The following ZNF804B variants were observed in gnomAD, a reference collection of about 807,000 sequenced individuals.
The protein encoded by ZNF804B is zinc finger protein 804B, also known as zinc finger 804B.
Under a neutral mutation model 101.4 loss-of-function variants are expected in ZNF804B, and 80 were observed. The ratio of observed to expected loss-of-function variants is 0.79; its 90% CI spans 0.66 to 0.95. ZNF804B has a LOEUF of 0.95. Among genes scored for constraint, ZNF804B ranks in the 40% least tolerant of loss-of-function variants. The pLI, the probability that ZNF804B is intolerant of heterozygous loss-of-function variation, is 0.00. For synonymous variants in ZNF804B, 622 were observed against 558.8 expected (o/e 1.11, Z -1.59); for missense variants, 1,673 against 1,561.9 (o/e 1.07, Z -1.20).
chr7:89,120,938 C>T (rs774843272), intron 1 of ZNF804B, among the ~76,000 whole-genome samples: 1 of 152,102 alleles, frequency 6.6e-6, no homozygotes, highest in Non-Finnish European at 1.5e-5. Flanking sequence ...TTGCTTTATC[C>T]AACAAAAATA....
chr7:89,327,547 C>T lies in ZNF804B; in HGVS notation c.380+73C>T, dbSNP rs908282083. ...TGGGGAAATTTTAAAGGCAAATCTA[C>T]TGTAACAATGTAAACAAATAATAAC... On this transcript the variant is annotated intron_variant, in intron 3 of 3. Coordinates refer to ENST00000333190, the MANE Select transcript of ZNF804B (RefSeq NM_181646.5). 23 of 1,556,106 alleles carry T rather than the reference C, an allele frequency of 1.5e-5. No homozygotes were observed. In the Admixed American group the frequency reaches 2.0e-4, roughly 14 times the overall value.
At chr7:88,871,324 TCAGTA>T (rs1291922694) in intron 1 of ZNF804B, among the ~76,000 whole-genome samples, 1 of 151,914 alleles carries the variant, frequency 6.6e-6, no homozygotes, top group Non-Finnish European at 1.5e-5. Flanking sequence ...GCTCCTAAGT[TCAGTA>T]CAATTAAGGG....
chr7:89,224,366 T>C (rs1202822186), intron 2 of ZNF804B, among the ~76,000 whole-genome samples: 1 of 151,978 alleles, frequency 6.6e-6, no homozygotes, highest in African/African-American at 2.4e-5. Flanking sequence ...ATTCACCCCA[T>C]CTCTACTTGC....
chr7:88,762,656 A>G (rs1231463117), intron 1 of ZNF804B, among the ~76,000 whole-genome samples: 3 of 152,046 alleles, frequency 2.0e-5, no homozygotes, highest in Non-Finnish European at 4.4e-5. Flanking sequence ...AGAGATCCAT[A>G]AAATACATTC....
In ZNF804B at chr7:89,334,853, A is replaced by G. The variant is rs1434483594; in HGVS notation, c.1871A>G (p.Asp624Gly). The G allele has an allele frequency of 6.2e-6, 10 of 1,613,690 alleles. No homozygotes were observed. Among genetic ancestry groups the G allele is most frequent in the Non-Finnish European group, 8.5e-6 (10 of 1,179,882 alleles). Residue 624 changes from aspartate (D) to glycine (G), a missense_variant, in exon 4 of 4, where the codon GAC becomes GGC. By Grantham distance (94) the Asp-to-Gly change is moderately conservative. Coordinates refer to ENST00000333190, the MANE Select transcript of ZNF804B (RefSeq NM_181646.5). ...RKAVLNDIDE[D>G]LSFPSYISRF... is the part of the protein sequence containing the mutation. Reference sequence around the variant, plus strand: ...GCAGTTCTAAATGATATAGATGAGGACCTATCTTTTCCTTCCTACATCTCT... The same window carrying G: ...GCAGTTCTAAATGATATAGATGAGGGCCTATCTTTTCCTTCCTACATCTCT...
intron 1 of ZNF804B, among the ~76,000 whole-genome samples, chr7:89,114,670 T>G (rs927322103): frequency 6.6e-6 from 1 of 152,136 alleles, no homozygotes; most frequent in Non-Finnish European, 1.5e-5. Flanking sequence ...TGAAAAGGCC[T>G]GAAAAAACAG....
intron 1 of ZNF804B, among the ~76,000 whole-genome samples, chr7:89,043,783 C>A (rs1339793838): frequency 6.6e-6 from 1 of 152,292 alleles, no homozygotes; most frequent in Middle Eastern, 3.4e-3. Context: ...ACACAAGACT[C>A]TTAAGAACAG....
chr7:89,119,909 G>T (rs1790373855), intron 1 of ZNF804B, among the ~76,000 whole-genome samples: 1 of 152,084 alleles, frequency 6.6e-6, no homozygotes, highest in Admixed American at 6.6e-5. Flanking sequence ...GGATAGCAAG[G>T]TTTATTCCCA....
chr7:89,152,203 A>T (rs995293340), intron 1 of ZNF804B, among the ~76,000 whole-genome samples: 7 of 150,572 alleles, frequency 4.6e-5, no homozygotes, highest in African/African-American at 1.7e-4. Context: ...TTTTAAAAAT[A>T]TTTCATAGCA....
chr7:89,280,369 A>G (rs1277639786), intron 2 of ZNF804B, among the ~76,000 whole-genome samples: 2 of 151,936 alleles, frequency 1.3e-5, no homozygotes, highest in East Asian at 3.9e-4. Flanking sequence ...AAGAGCAAAC[A>G]CATTCAAAAG....
chr7:88,928,342 T>C (rs1450687810), intron 1 of ZNF804B, among the ~76,000 whole-genome samples: 1 of 152,154 alleles, frequency 6.6e-6, no homozygotes, highest in Non-Finnish European at 1.5e-5. Flanking sequence ...TTATTCTGAA[T>C]AAATGACACT....
rs554215761 is a variant in ZNF804B at position 89,272,346 on chromosome 7, C to A, written c.249+54051C>A. On this transcript the variant is annotated intron_variant, in intron 2 of 3. Transcript: ENST00000333190. ...TGTTTTACATTTTCTAAATTGGAAT[C>A]ATAATTTATGCCTTGAGTACTTCAC... Among the ~76,000 whole-genome samples, 7 of 152,176 alleles carry A rather than the reference C, an allele frequency of 4.6e-5. No homozygotes were observed. The East Asian group carries it at 1.4e-3, about 29-fold the overall frequency.
At chr7:89,012,644 A>G (rs1251435890) in intron 1 of ZNF804B, among the ~76,000 whole-genome samples, 1 of 152,110 alleles carries the variant, frequency 6.6e-6, no homozygotes, top group Non-Finnish European at 1.5e-5. Context: ...CATTGTCCAT[A>G]TCACTATCAG....
chr7:88,923,420 A>G (rs1584018910), intron 1 of ZNF804B, among the ~76,000 whole-genome samples: 1 of 152,294 alleles, frequency 6.6e-6, no homozygotes, highest in East Asian at 1.9e-4. Context: ...CTCTACATAA[A>G]TGGAAAATAA....
At chr7:88,982,199 G>T (rs555355099) in intron 1 of ZNF804B, among the ~76,000 whole-genome samples, 2 of 151,802 alleles carry the variant, frequency 1.3e-5, no homozygotes, top group Non-Finnish European at 2.9e-5. Flanking sequence ...ACCAGCCAGC[G>T]GTCTTCTATA....
At chr7:89,194,938 C>T (rs1411583282) in intron 1 of ZNF804B, among the ~76,000 whole-genome samples, 5 of 151,916 alleles carry the variant, frequency 3.3e-5, no homozygotes, top group Non-Finnish European at 5.9e-5. Flanking sequence ...ATTCTTCCTA[C>T]CCATGAGCAT....
At chr7:89,187,776 A>C (rs1788395619) in intron 1 of ZNF804B, among the ~76,000 whole-genome samples, 1 of 152,158 alleles carries the variant, frequency 6.6e-6, no homozygotes, top group South Asian at 2.1e-4. Flanking sequence ...TTTTCTCCTC[A>C]AACATAACTT....
chr7:89,099,331 GGAA>G (rs1302909976), intron 1 of ZNF804B, among the ~76,000 whole-genome samples: 2 of 151,706 alleles, frequency 1.3e-5, no homozygotes, highest in African/African-American at 4.8e-5. Context: ...TAATAAAAGG[GGAA>G]GAAAAAATAA....
At chr7:88,906,352 T>C (rs1446730373) in intron 1 of ZNF804B, among the ~76,000 whole-genome samples, 1 of 152,186 alleles carries the variant, frequency 6.6e-6, no homozygotes, top group Admixed American at 6.6e-5. Context: ...AGTTGTTAAC[T>C]TGAGATCTTT....
Sources: gnomAD v4.1 joint callset for allele counts (sites outside exome capture counted in the v4.1 genomes callset) on GRCh38, gnomAD v4.1.1 for gene constraint, MANE v1.5 for transcripts, NCBI Gene and HGNC (gene_info 2026-07-23, HGNC 2026-07-21) for gene names.